The following METTL6 variants were observed in gnomAD, a reference collection of about 807,000 sequenced individuals.
METTL6 encodes methyltransferase 6, tRNA N3-cytidine.
A neutral mutation model predicts 26.4 loss-of-function variants in METTL6; 22 were observed. The observed-to-expected ratio is 0.83, with a 90% CI of 0.59 to 1.19. The LOEUF (loss-of-function observed/expected upper bound fraction) is 1.19. Among genes scored for constraint, METTL6 ranks in the 50% most tolerant of loss-of-function variants. METTL6 has a pLI of 0.00. For synonymous variants in METTL6, 109 were observed against 116.2 expected, an observed-to-expected ratio of 0.94 and a Z score of 0.40; for missense variants, 304 against 324.8, an observed-to-expected ratio of 0.94 and a Z score of 0.49.
intron 5 of METTL6, among the ~76,000 whole-genome samples, chr3:15,412,018 G>A (rs529312206): frequency 1.7e-4 from 26 of 152,176 alleles, no homozygotes; most frequent in African/African-American, 5.1e-4. Context: ...CCCAATCTTG[G>A]CCTCCCAAAG....
chr3:15,413,380 G>A (rs1700053870), intron 5 of METTL6, among the ~76,000 whole-genome samples: 1 of 152,168 alleles, frequency 6.6e-6, no homozygotes, highest in Admixed American at 6.5e-5. Context: ...TTCGAGACCA[G>A]CATGGGCAAT....
intron 4 of METTL6, chr3:15,414,516 C>G (rs181301549): frequency 3.4e-6 from 1 of 292,694 alleles, no homozygotes; most frequent in Non-Finnish European, 6.0e-6. Context: ...CCACCATGCC[C>G]GGCTAATTTT....
chr3:15,399,472 T>C (rs1319774511), intron 6 of METTL6: 2 of 150,954 alleles, frequency 1.3e-5, no homozygotes, highest in African/African-American at 4.9e-5. Flanking sequence ...GCCACTGCAC[T>C]CCAGCCTGGG....
intron 6 of METTL6, among the ~76,000 whole-genome samples, chr3:15,402,114 C>T (rs1414084684): frequency 2.6e-5 from 4 of 152,060 alleles, no homozygotes; most frequent in African/African-American, 7.2e-5. Context: ...AGATCGGGAC[C>T]TCTTTCCAGT....
intron 6 of METTL6, among the ~76,000 whole-genome samples, chr3:15,386,166 C>A (rs904141771): frequency 6.6e-6 from 1 of 152,140 alleles, no homozygotes; most frequent in Non-Finnish European, 1.5e-5. Flanking sequence ...GGGTTCCTCC[C>A]CTTTTTAGAA....
In METTL6 at chr3:15,414,481, G is replaced by A. The variant is rs188830621; in HGVS notation, c.532-319C>T. On this transcript the variant is annotated intron_variant, in intron 4 of 5. Transcript: ENST00000383790. ...AGTGATTCTCGTGTCTCAGCCTCCCGAGTAGCTGGGATTATAGGTGCCCGC... is the reference window on the plus strand; with the variant it reads ...AGTGATTCTCGTGTCTCAGCCTCCCAAGTAGCTGGGATTATAGGTGCCCGC... The A allele has an allele frequency of 3.1e-4, 138 of 440,834 alleles. No individual in the cohort carries two copies. In the East Asian group the frequency reaches 0.01, roughly 32 times the overall value. 27.3% of individuals were successfully genotyped at this position (440,834 alleles called of 1,614,324 possible).
At chr3:15,417,041 T>C (rs971251963) in intron 3 of METTL6, among the ~76,000 whole-genome samples, 1 of 152,186 alleles carries the variant, frequency 6.6e-6, no homozygotes, top group Non-Finnish European at 1.5e-5. Context: ...GTATGGTGGC[T>C]CATGCCTGTA....
At chr3:15,397,446 G>C (rs1454141369) in intron 6 of METTL6, among the ~76,000 whole-genome samples, 1 of 152,160 alleles carries the variant, frequency 6.6e-6, no homozygotes, top group Non-Finnish European at 1.5e-5. Flanking sequence ...GGGAGGCGAT[G>C]CCTCACCCTG....
At chr3:15,396,458 G>A (rs1010561293) in intron 6 of METTL6, among the ~76,000 whole-genome samples, 9 of 152,140 alleles carry the variant, frequency 5.9e-5, no homozygotes, top group Non-Finnish European at 1.3e-4. Flanking sequence ...GCTCAGAGTA[G>A]TTTGATTGTC....
At chr3:15,423,958 G>A (rs1575439219) in intron 3 of METTL6, among the ~76,000 whole-genome samples, 1 of 152,020 alleles carries the variant, frequency 6.6e-6, no homozygotes, top group East Asian at 1.9e-4. Context: ...TGTAATCCCA[G>A]CATTTTGGGA....
chr3:15,415,058 A>C, intron 4 of METTL6: 3 of 909,820 alleles, frequency 3.3e-6, no homozygotes, highest in Non-Finnish European at 4.2e-6. Context: ...AAACAAACAA[A>C]CAAACAAAAA....
rs369009695 is a variant in METTL6 at position 15,411,254 on chromosome 3, G to C, written c.*2C>G. The C allele has an allele frequency of 5.6e-6, 9 of 1,611,224 alleles. No individual in the cohort carries two copies. Among genetic ancestry groups the C allele is most frequent in the Non-Finnish European group, 7.6e-6 (9 of 1,179,228 alleles). ...AGGTATAAATGCCAACCTCATGAAA[G>C]GTCAGGACTTAGGATCCAGGCCCAG... On this transcript the variant is annotated 3_prime_UTR_variant, in exon 6 of 6. Transcript: ENST00000383790.
chr3:15,426,467 G>C lies in METTL6; in HGVS notation c.45C>G (p.Thr15=). ...TTTTCAGTTTCTCCTCTTCTTCAGAGGTGAGAATCCTTGCCTGCAGCCCTT... is the reference window on the plus strand; with the variant it reads ...TTTTCAGTTTCTCCTCTTCTTCAGACGTGAGAATCCTTGCCTGCAGCCCTT... ...QRKGLQARIL[T]SEEEEKLKRD... Residue 15 remains threonine, a synonymous_variant, in exon 2 of 6, where the codon ACC becomes ACG. Coordinates refer to ENST00000383790, the MANE Select transcript of METTL6 (RefSeq NM_152396.4). The C allele has an allele frequency of 6.2e-7, 1 of 1,614,172 alleles. No homozygotes were observed. The highest frequency in any genetic ancestry group is 8.5e-7 in the Non-Finnish European group (1 of 1,180,036).
Position 15,427,527 on chromosome 3 carries a change from G to A in METTL6, c.-250C>T, listed in dbSNP as rs559766250. On this transcript the variant is annotated 5_prime_UTR_variant, in exon 1 of 6. Transcript: ENST00000383790. ...GTTCTTTTGCCATGGCACCGCCCCC[G>A]CCACTTCCGCTAGGAACCCGGAAGT... 119 of 532,962 alleles carry A rather than the reference G, an allele frequency of 2.2e-4. No individual in the cohort carries two copies. The highest frequency in any genetic ancestry group is 1.9e-3 in the African/African-American group (94 of 50,714). The allele number at this position is 532,962 out of a possible 1,614,324, so 33.0% of individuals were successfully genotyped here.
At chr3:15,414,203 C>T (rs1700093713) in intron 4 of METTL6, 41 bp from the exon 5 acceptor site, 1 of 1,577,722 alleles carries the variant, frequency 6.3e-7, no homozygotes, top group African/African-American at 1.4e-5. Context: ...TTGGAGAACC[C>T]TGTCAAAATA....
intron 6 of METTL6, among the ~76,000 whole-genome samples, chr3:15,398,146 A>G (rs1699542636): frequency 6.6e-6 from 1 of 151,682 alleles, no homozygotes; most frequent in Admixed American, 6.6e-5. Context: ...TCCATCTCCC[A>G]CATGGCATGG....
chr3:15,425,177 C>T, intron 2 of METTL6, 88 bp from the exon 3 acceptor site: 1 of 1,415,646 alleles, frequency 7.1e-7, no homozygotes, highest in Middle Eastern at 1.8e-4. Context: ...TATGAGAGGT[C>T]TCCGACCCCA....
chr3:15,391,512 T>C (rs1699345408), intron 6 of METTL6, among the ~76,000 whole-genome samples: 1 of 152,186 alleles, frequency 6.6e-6, no homozygotes, highest in African/African-American at 2.4e-5. Flanking sequence ...ACAGTATTTA[T>C]TTTTATTATA....
chr3:15,392,850 G>A (rs559221850), intron 6 of METTL6, among the ~76,000 whole-genome samples: 2,137 of 152,166 alleles, frequency 0.014, 26 homozygotes, highest in African/African-American at 0.028. Flanking sequence ...TGTTCCATTG[G>A]TCTATATCTC....
Sources: gnomAD v4.1 joint callset for allele counts (sites outside exome capture counted in the v4.1 genomes callset) on GRCh38, gnomAD v4.1.1 for gene constraint, MANE v1.5 for transcripts, NCBI Gene and HGNC (gene_info 2026-07-23, HGNC 2026-07-21) for gene names.